The following SORBS2 variants were observed in gnomAD, a reference collection of about 807,000 sequenced individuals.
SORBS2 encodes the protein sorbin and SH3 domain-containing protein 2.
A neutral mutation model predicts 97.7 loss-of-function variants in SORBS2; 46 were observed. The observed-to-expected ratio is 0.47, with a 90% CI of 0.37 to 0.60. The LOEUF is 0.60. SORBS2 is among the 20% of genes least tolerant of loss of function. The pLI, the probability that SORBS2 is intolerant of heterozygous loss-of-function variation, is 0.00. For synonymous variants in SORBS2, 476 were observed against 473.4 expected (o/e 1.01, Z -0.07); for missense variants, 1,316 against 1,282.3 (o/e 1.03, Z -0.40).
At chr4:185,727,906 T>C (rs936033135) in intron 2 of SORBS2, among the ~76,000 whole-genome samples, 1 of 152,252 alleles carries the variant, frequency 6.6e-6, no homozygotes, top group Non-Finnish European at 1.5e-5. Flanking sequence ...CACTGGAATA[T>C]GGTTGGCTTT....
rs568016228 is a variant in SORBS2 at position 185,753,234 on chromosome 4, C to T, written c.-198+21993G>A. 1.9e-3 allele frequency among the ~76,000 whole-genome samples: 290 copies of T among 152,216 alleles called. 1 individual carries two copies. Among genetic ancestry groups the T allele is most frequent in the African/African-American group, 6.5e-3 (272 of 41,546 alleles). ...CTTTTATAGGACACCAACCCATAAA[C>T]ACAAAAAATAAAAAAGGTTTTGGGG... On this transcript the variant is annotated intron_variant, in intron 2 of 20. Coordinates refer to the SORBS2 transcript ENST00000284776.
At chr4:185,704,353 C>CT (rs1353647385) in intron 2 of SORBS2, among the ~76,000 whole-genome samples, 1 of 152,142 alleles carries the variant, frequency 6.6e-6, no homozygotes, top group Non-Finnish European at 1.5e-5. Flanking sequence ...GAGTCTCACT[C>CT]TGTCGCCCAG....
At chr4:185,903,432 C>T (rs1381976531) in intron 1 of SORBS2, among the ~76,000 whole-genome samples, 1 of 152,154 alleles carries the variant, frequency 6.6e-6, no homozygotes, top group Non-Finnish European at 1.5e-5. Context: ...CATGTGGATA[C>T]ATGAGGCCAG....
At chr4:185,890,708 C>G (rs1280669540) in intron 1 of SORBS2, among the ~76,000 whole-genome samples, 1 of 152,134 alleles carries the variant, frequency 6.6e-6, no homozygotes, top group South Asian at 2.1e-4. Context: ...TTCTCTTGCT[C>G]CTTCACAGCT....
chr4:185,803,042 G>T (rs1405503498), intron 1 of SORBS2, among the ~76,000 whole-genome samples: 1 of 152,126 alleles, frequency 6.6e-6, no homozygotes, highest in Non-Finnish European at 1.5e-5. Context: ...AAAAGCTCTA[G>T]TGGTTCAGTG....
chr4:185,849,732 T>G lies in SORBS2; in HGVS notation c.-337-74366A>C, dbSNP rs540388360. On this transcript the variant is annotated intron_variant, in intron 1 of 20. Coordinates refer to the SORBS2 transcript ENST00000284776. ...AATAGAAAATCAGCTGCCCATTTTT[T>G]CAATTCCAATGAATGTGTAACTATC... 3.3e-5 allele frequency among the ~76,000 whole-genome samples: 5 copies of G among 152,326 alleles called. 1 individual carries two copies. The highest frequency in any genetic ancestry group is 1.2e-4 in the African/African-American group (5 of 41,580).
rs1171841272 is a variant in SORBS2, at chr4:185,649,451, G to C, written c.281+16C>G. The C allele has an allele frequency of 7.7e-6, 12 of 1,549,440 alleles. No individual in the cohort carries two copies. Among genetic ancestry groups the C allele is most frequent in the South Asian group, 4.9e-5 (4 of 81,968 alleles). On this transcript the variant is annotated intron_variant, in intron 3 of 14. Coordinates refer to ENST00000418609, the Ensembl canonical transcript of SORBS2. ...CCTAAGCGAAACATAGGCCACCCTG[G>C]GGGGAAATGCCTTACTTTTCTGTTG...
intron 4 of SORBS2, chr4:185,677,160 T>C: frequency 6.4e-7 from 1 of 1,551,732 alleles, no homozygotes; most frequent in Non-Finnish European, 8.7e-7. Flanking sequence ...AGATGCTGTG[T>C]GTGTCTCAGG....
At chr4:185,821,954 A>G (rs2099197041) in intron 1 of SORBS2, among the ~76,000 whole-genome samples, 1 of 152,244 alleles carries the variant, frequency 6.6e-6, no homozygotes, top group African/African-American at 2.4e-5. Context: ...TGAAGGACCC[A>G]TAAATTATAA....
At chr4:185,850,829 T>C (rs915338302) in intron 1 of SORBS2, among the ~76,000 whole-genome samples, 3 of 152,092 alleles carry the variant, frequency 2.0e-5, no homozygotes, top group African/African-American at 7.2e-5. Flanking sequence ...TTGATAGACT[T>C]GAATAAAAAA....
At chr4:185,737,346 C>T (rs1207929208) in intron 2 of SORBS2, among the ~76,000 whole-genome samples, 2 of 151,360 alleles carry the variant, frequency 1.3e-5, no homozygotes, top group East Asian at 1.9e-4. Flanking sequence ...GGTGGTCTCC[C>T]GTCTCCTCCA....
rs554297405 is a variant in SORBS2 at position 185,751,541 on chromosome 4, T to C, written c.-198+23686A>G. 3.3e-4 allele frequency among the ~76,000 whole-genome samples: 50 copies of C among 152,044 alleles called. 1 individual carries two copies. Among genetic ancestry groups the C allele is most frequent in the Non-Finnish European group, 6.9e-4 (47 of 68,004 alleles). ...GGGCAGATGAGGACTGATTCTAGCA[T>C]GAGAGGGAGGTGCAGGAGAGGCAGC... On this transcript the variant is annotated intron_variant, in intron 2 of 20. Coordinates refer to the SORBS2 transcript ENST00000284776.
chr4:185,735,926 C>G (rs1047816578), intron 2 of SORBS2, among the ~76,000 whole-genome samples: 2 of 152,214 alleles, frequency 1.3e-5, no homozygotes, highest in Non-Finnish European at 2.9e-5. Context: ...TTGCAGCCAA[C>G]ATCTACCATG....
At chr4:185,737,237 G>C (rs956845595) in intron 2 of SORBS2, among the ~76,000 whole-genome samples, 3 of 152,178 alleles carry the variant, frequency 2.0e-5, no homozygotes, top group Non-Finnish European at 2.9e-5. Context: ...CAAGTTCCAG[G>C]TTGGGGGTAT....
At chr4:185,784,480 C>A (rs1434322339) in intron 1 of SORBS2, among the ~76,000 whole-genome samples, 2 of 152,110 alleles carry the variant, frequency 1.3e-5, no homozygotes, top group African/African-American at 2.4e-5. Flanking sequence ...GACTGAAATG[C>A]AGATGTCATT....
intron 2 of SORBS2, among the ~76,000 whole-genome samples, chr4:185,728,907 C>T (rs1033271647): frequency 2.0e-5 from 3 of 152,226 alleles, no homozygotes; most frequent in Non-Finnish European, 2.9e-5. Context: ...GCTGGGTGCA[C>T]ACGAGGAGCC....
At chr4:185,861,998 AT>A (rs1168128697) in intron 1 of SORBS2, among the ~76,000 whole-genome samples, 1 of 152,208 alleles carries the variant, frequency 6.6e-6, no homozygotes, top group Non-Finnish European at 1.5e-5. Flanking sequence ...CGGATGAGAG[AT>A]GACGGTGGCA....
chr4:185,705,262 T>A (rs2153537889), intron 2 of SORBS2, among the ~76,000 whole-genome samples: 1 of 152,328 alleles, frequency 6.6e-6, no homozygotes, highest in Admixed American at 6.5e-5. Context: ...CTTTGTTTTA[T>A]CAAAAACATT....
chr4:185,859,814 G>T (rs1314591552), intron 1 of SORBS2, among the ~76,000 whole-genome samples: 1 of 152,166 alleles, frequency 6.6e-6, no homozygotes, highest in African/African-American at 2.4e-5. Flanking sequence ...GAGCTACAGG[G>T]AATGCATAAT....
Sources: allele counts gnomAD v4.1 joint callset (sites outside exome capture counted in the v4.1 genomes callset), GRCh38; gene constraint gnomAD v4.1.1; transcripts MANE v1.5; gene names NCBI Gene and HGNC (gene_info 2026-07-23, HGNC 2026-07-21).